NAV1: variants seen among roughly 807,000 people sequenced by gnomAD.
NAV1 encodes the protein neuron navigator 1.
A neutral mutation model predicts 175.2 loss-of-function variants in NAV1; 18 were observed. The observed-to-expected ratio is 0.10, with a 90% CI of 0.07 to 0.15. NAV1 has a LOEUF of 0.15. NAV1 is among the 10% of genes least tolerant of loss of function. The pLI is 1.00. For missense variants in NAV1, 1,731 were observed against 2,436.6 expected (o/e 0.71, Z 6.10); for synonymous variants, 897 against 978.7 (o/e 0.92, Z 1.56).
At chr1:201,678,909 G>C (rs1294698578) in intron 1 of NAV1, among the ~76,000 whole-genome samples, 1 of 152,154 alleles carries the variant, frequency 6.6e-6, no homozygotes, top group Non-Finnish European at 1.5e-5. Flanking sequence ...AGAGGGGTTT[G>C]GCAGCCCCTC....
upstream of NAV1, among the ~76,000 whole-genome samples, chr1:201,646,755 T>G (rs1229984954): frequency 7.2e-5 from 11 of 152,164 alleles, no homozygotes; most frequent in Non-Finnish European, 1.6e-4. Flanking sequence ...CGTACAGTGC[T>G]CAGGCCTCCA....
At chr1:201,804,404 C>T in intron 16 of NAV1, 85 bp from the exon 21 acceptor site, 2 of 1,365,582 alleles carry the variant, frequency 1.5e-6, no homozygotes, top group African/African-American at 1.5e-5. Context: ...CAGACAGGTA[C>T]CAGCTGTGTG....
At chr1:201,628,286 A>G (rs1668392693) in intron 1 of NAV1, among the ~76,000 whole-genome samples, 1 of 152,052 alleles carries the variant, frequency 6.6e-6, no homozygotes, top group African/African-American at 2.4e-5. Flanking sequence ...GGGGCCTGAG[A>G]TACAAAAGAG....
intron 1 of NAV1, among the ~76,000 whole-genome samples, chr1:201,552,853 A>G (rs916985448): frequency 6.6e-6 from 1 of 152,052 alleles, no homozygotes; most frequent in African/African-American, 2.4e-5. Flanking sequence ...TTATCCCCAA[A>G]TGGATGTTTA....
intron 1 of NAV1, among the ~76,000 whole-genome samples, chr1:201,667,744 A>T (rs1182083268): frequency 8.5e-5 from 13 of 152,180 alleles, no homozygotes; most frequent in Admixed American, 7.2e-4. Flanking sequence ...AGCCTCATAA[A>T]TATGCTTTTA....
At position 201,809,225 on chromosome 1, in the gene NAV1, G is replaced by C. The variant is rs1401348130; in HGVS notation, c.4269G>C (p.Val1423=). 8 of 1,613,964 alleles carry C rather than the reference G, an allele frequency of 5.0e-6. No homozygotes were observed. In the South Asian group the frequency reaches 6.6e-5, roughly 13 times the overall value. ...CAAAGGAGGAAGTGACCCTCCGGGTGGTGGTGAGGATGCCCCCGCAGCACA... is the reference window on the plus strand; with the variant it reads ...CAAAGGAGGAAGTGACCCTCCGGGTCGTGGTGAGGATGCCCCCGCAGCACA... Residue 1423 remains valine, a synonymous_variant, in exon 21 of 30, where the codon GTG becomes GTC. Coordinates refer to ENST00000367296, the Ensembl canonical transcript of NAV1.
chr1:201,712,980 G>A (rs1671975037), intron 2 of NAV1, 61 bp downstream of exon 6: 2 of 1,326,372 alleles, frequency 1.5e-6, no homozygotes, highest in South Asian at 2.4e-5. Context: ...ACCCCATTCT[G>A]GAGGGCAGGG....
At chr1:201,567,696 C>T (rs1666396355) in intron 1 of NAV1, among the ~76,000 whole-genome samples, 2 of 152,164 alleles carry the variant, frequency 1.3e-5, no homozygotes, top group Admixed American at 6.5e-5. Context: ...CTACCTGCCG[C>T]TGCTTTGTGG....
intron 2 of NAV1, among the ~76,000 whole-genome samples, chr1:201,715,777 C>A (rs560863669): frequency 6.6e-6 from 1 of 152,340 alleles, no homozygotes; most frequent in East Asian, 1.9e-4. Flanking sequence ...GGATTCCATT[C>A]CTTTTCAGAA....
chr1:201,553,553 G>A (rs1047031932), intron 1 of NAV1, among the ~76,000 whole-genome samples: 1 of 152,190 alleles, frequency 6.6e-6, no homozygotes, highest in Non-Finnish European at 1.5e-5. Flanking sequence ...TTTACAAACA[G>A]TGAAACACAC....
At chr1:201,595,421 C>G (rs1283531498) in intron 2 of NAV1, among the ~76,000 whole-genome samples, 1 of 152,266 alleles carries the variant, frequency 6.6e-6, no homozygotes, top group Non-Finnish European at 1.5e-5. Flanking sequence ...CTCCAGCCAG[C>G]TCTCTCTTTC....
chr1:201,564,209 G>A (rs1666288850), intron 1 of NAV1, among the ~76,000 whole-genome samples: 1 of 152,286 alleles, frequency 6.6e-6, no homozygotes, highest in Admixed American at 6.5e-5. Flanking sequence ...ACAGGGTCTG[G>A]CTCATTGTAG....
Position 201,788,484 on chromosome 1 carries a change from C to T in NAV1, c.3012C>T (p.Ala1004=), listed in dbSNP as rs1676910340. ...TCCTTCCAGTGAGTCCCACTGCGGCCACCACGCCAAGAATCACCCGCTCCA... is the reference window on the plus strand; with the variant it reads ...TCCTTCCAGTGAGTCCCACTGCGGCTACCACGCCAAGAATCACCCGCTCCA... Residue 1004 remains alanine (A), a synonymous_variant, in exon 10 of 30, where the codon GCC becomes GCT. Transcript: ENST00000367296. This position sits in a 1 kb window ranked among gnomAD's most constrained non-coding sequence, Gnocchi z 5.7. 6.2e-7 allele frequency: 1 copy of T among 1,614,132 alleles called. No homozygotes were observed. The highest frequency in any genetic ancestry group is 1.3e-5 in the African/African-American group (1 of 75,046).
chr1:201,781,388 A>T (rs1676313404), intron 5 of NAV1, 79 bp downstream of exon 9: 1 of 1,351,484 alleles, frequency 7.4e-7, no homozygotes, highest in Admixed American at 2.8e-5. Flanking sequence ...TCATTAACCC[A>T]TAGGATGATA....
chr1:201,673,182 G>T (rs1670110575), intron 1 of NAV1: 2 of 152,378 alleles, frequency 1.3e-5, no homozygotes, highest in South Asian at 4.1e-4. Context: ...TCAGAACACA[G>T]TGCAAATGTG....
At chr1:201,593,425 A>C (rs1017766965) in intron 2 of NAV1, among the ~76,000 whole-genome samples, 1 of 152,200 alleles carries the variant, frequency 6.6e-6, no homozygotes, top group East Asian at 1.9e-4. Flanking sequence ...GGGACTCTCT[A>C]ACATCTACCT....
intron 1 of NAV1, among the ~76,000 whole-genome samples, chr1:201,582,881 G>A (rs961043597): frequency 6.6e-6 from 1 of 152,228 alleles, no homozygotes; most frequent in African/African-American, 2.4e-5. Context: ...CAACAAGCTA[G>A]ACAGGATCCC....
intron 1 of NAV1, among the ~76,000 whole-genome samples, chr1:201,580,556 T>A (rs1435305583): frequency 1.3e-5 from 2 of 152,168 alleles, no homozygotes; most frequent in African/African-American, 2.4e-5. Flanking sequence ...GTGGATCACT[T>A]GACGTCAGGA....
intron 13 of NAV1, chr1:201,791,429 A>G (rs1677108046): frequency 6.6e-6 from 1 of 152,252 alleles, no homozygotes; most frequent in South Asian, 2.1e-4. Context: ...CTACCCTGTG[A>G]CATGGGGAGA....
Sources: gnomAD v4.1 joint callset for allele counts (sites outside exome capture counted in the v4.1 genomes callset) on GRCh38, gnomAD v4.1.1 for gene constraint, Gnocchi (gnomAD v3.1) non-coding constraint, MANE v1.5 for transcripts, NCBI Gene and HGNC (gene_info 2026-07-23, HGNC 2026-07-21) for gene names.